Variants in IQGAP2 observed in about 807,000 individuals in gnomAD.
The protein encoded by IQGAP2 is IQ motif containing GTPase activating protein 2.
A neutral mutation model predicts 201.3 loss-of-function variants in IQGAP2; 173 were observed. The observed-to-expected ratio is 0.86, with a 90% CI of 0.76 to 0.98. IQGAP2 has a LOEUF of 0.98. Ranked by LOEUF, IQGAP2 falls within the 50% of genes least tolerant of loss-of-function variation. The pLI is 0.00. For synonymous variants in IQGAP2, 675 were observed against 673.9 expected, an observed-to-expected ratio of 1.00 and a Z score of -0.03; for missense variants, 1,687 against 1,864.8, an observed-to-expected ratio of 0.90 and a Z score of 1.76.
intron 23 of IQGAP2, among the ~76,000 whole-genome samples, chr5:76,669,678 C>T (rs1482873531): frequency 2.0e-5 from 3 of 152,070 alleles, no homozygotes; most frequent in African/African-American, 7.2e-5. Flanking sequence ...GTGGAAACAG[C>T]ATGGGCATAG....
chr5:76,658,486 T>C lies in IQGAP2; in HGVS notation c.2348T>C (p.Val783Ala). 6.2e-7 allele frequency: 1 copy of C among 1,613,980 alleles called. No individual in the cohort carries two copies. The highest frequency in any genetic ancestry group is 8.5e-7 in the Non-Finnish European group (1 of 1,179,958). The change falls in exon 21 of 36, where the codon GTA becomes GCA. Residue 783 changes from valine to alanine, a missense_variant. Val to Ala is a moderately conservative substitution (Grantham distance 64). Transcript: ENST00000274364. Reference sequence around the variant, plus strand: ...GGCTCTGAAAACCCACCATTAACAGTAATTCGCAAATTTGTATACCTGCTG... The same window carrying C: ...GGCTCTGAAAACCCACCATTAACAGCAATTCGCAAATTTGTATACCTGCTG... ...LVGSENPPLT[V>A]IRKFVYLLDQ...
intron 21 of IQGAP2, chr5:76,659,955 G>A (rs775350328): frequency 6.6e-6 from 1 of 151,848 alleles, no homozygotes; most frequent in Non-Finnish European, 1.5e-5. Flanking sequence ...TATAAAAAGT[G>A]TCATTTTTAC....
intron 2 of IQGAP2, among the ~76,000 whole-genome samples, chr5:76,494,661 G>A (rs956012209): frequency 6.6e-6 from 1 of 152,034 alleles, no homozygotes; most frequent in African/African-American, 2.4e-5. Context: ...GTTTTTTGTT[G>A]TTGTTGTTTT....
At chr5:76,441,628 C>T (rs969276482) in intron 1 of IQGAP2, 1 of 463,230 alleles carries the variant, frequency 2.2e-6, no homozygotes, top group Non-Finnish European at 2.8e-6. Flanking sequence ...TGTTCCCATT[C>T]GAGCACTACC....
chr5:76,477,180 C>CAAA (rs543226568), intron 2 of IQGAP2, among the ~76,000 whole-genome samples: 2 of 145,186 alleles, frequency 1.4e-5, no homozygotes, highest in Admixed American at 6.9e-5. Flanking sequence ...GCACAAAATA[C>CAAA]AAAAAAAAAA....
At chr5:76,642,576 A>G (rs1266630581) in intron 17 of IQGAP2, among the ~76,000 whole-genome samples, 1 of 152,216 alleles carries the variant, frequency 6.6e-6, no homozygotes, top group African/African-American at 2.4e-5. Context: ...CTGCTGACCC[A>G]TAAAACCAAG....
At chr5:76,664,944 G>A (rs925349584) in intron 21 of IQGAP2, 82 bp from the exon 22 acceptor site, 10 of 777,938 alleles carry the variant, frequency 1.3e-5, no homozygotes, top group Admixed American at 4.9e-5. Flanking sequence ...TTCCAATTAC[G>A]TGTGTTTCAA....
chr5:76,501,643 C>CTTTTTCTTT (rs1757280575), intron 2 of IQGAP2, among the ~76,000 whole-genome samples: 2 of 101,134 alleles, frequency 2.0e-5, no homozygotes, highest in East Asian at 2.6e-4. Flanking sequence ...TTTTCCTTTT[C>CTTTTTCTTT]TTTTTTTTTT....
intron 35 of IQGAP2, among the ~76,000 whole-genome samples, chr5:76,703,389 C>T (rs1375332700): frequency 6.6e-6 from 1 of 152,074 alleles, no homozygotes; most frequent in Non-Finnish European, 1.5e-5. Context: ...CTACTGGGCT[C>T]AAGTGATCTG....
intron 28 of IQGAP2, 33 bp downstream of exon 28, chr5:76,677,383 G>T (rs779161451): frequency 1.2e-6 from 2 of 1,606,650 alleles, no homozygotes; most frequent in Non-Finnish European, 1.7e-6. Context: ...CTTAGCAATG[G>T]ACCCATGATT....
chr5:76,476,514 TA>T (rs779750256), intron 2 of IQGAP2, among the ~76,000 whole-genome samples: 1 of 152,122 alleles, frequency 6.6e-6, no homozygotes, highest in Non-Finnish European at 1.5e-5. Flanking sequence ...AGAGAAAGTG[TA>T]AACAAAAAGT....
intron 1 of IQGAP2, among the ~76,000 whole-genome samples, chr5:76,406,243 T>G (rs1750792183): frequency 6.6e-6 from 1 of 152,226 alleles, no homozygotes; most frequent in Non-Finnish European, 1.5e-5. Context: ...CTGACTCTTC[T>G]CAGGTTTCTG....
chr5:76,630,855 TC>T (rs10715717), intron 14 of IQGAP2, among the ~76,000 whole-genome samples: 152,276 of 152,276 alleles, frequency 1, 76,138 homozygotes, highest in Non-Finnish European at 1. Context: ...TGAGAAGTTC[TC>T]CCCTTCATCT....
chr5:76,489,162 G>A (rs550798163), intron 2 of IQGAP2, among the ~76,000 whole-genome samples: 2 of 152,240 alleles, frequency 1.3e-5, no homozygotes, highest in East Asian at 3.9e-4. Flanking sequence ...GAACACGCAG[G>A]TGAACAGTTT....
chr5:76,614,502 C>T (rs910332628), intron 13 of IQGAP2, among the ~76,000 whole-genome samples: 1 of 151,210 alleles, frequency 6.6e-6, no homozygotes, highest in African/African-American at 2.4e-5. Flanking sequence ...TTTCTCTGTT[C>T]ATTGACTTTG....
At chr5:76,517,737 A>C (rs572959848) in intron 2 of IQGAP2, among the ~76,000 whole-genome samples, 3 of 152,256 alleles carry the variant, frequency 2.0e-5, no homozygotes, top group African/African-American at 7.2e-5. Flanking sequence ...AGTTAGATCC[A>C]TCGCATACGA....
chr5:76,547,171 A>G (rs1024311922), intron 2 of IQGAP2, among the ~76,000 whole-genome samples: 3 of 152,194 alleles, frequency 2.0e-5, no homozygotes, highest in African/African-American at 7.2e-5. Flanking sequence ...TTTAGGCTGT[A>G]GAGGAATCAG....
intron 1 of IQGAP2, among the ~76,000 whole-genome samples, chr5:76,424,371 G>A (rs569252268): frequency 4.6e-5 from 7 of 152,110 alleles, no homozygotes; most frequent in Admixed American, 2.6e-4. Context: ...GCAATGGCAC[G>A]ATCTTGGCTC....
chr5:76,427,545 T>C (rs1752079102), intron 1 of IQGAP2, among the ~76,000 whole-genome samples: 1 of 152,226 alleles, frequency 6.6e-6, no homozygotes, highest in African/African-American at 2.4e-5. Flanking sequence ...ATTTCTACTG[T>C]GACTAGCATC....
Sources: allele counts gnomAD v4.1 joint callset (sites outside exome capture counted in the v4.1 genomes callset), GRCh38; gene constraint gnomAD v4.1.1; transcripts MANE v1.5; gene names NCBI Gene and HGNC (gene_info 2026-07-23, HGNC 2026-07-21).